POLE: variants seen among roughly 807,000 people sequenced by gnomAD.
POLE encodes DNA polymerase epsilon catalytic subunit A.
A neutral mutation model predicts 279.2 loss-of-function variants in POLE; 188 were observed. That is an observed-to-expected ratio of 0.67 (90% CI 0.60 to 0.76). POLE has a LOEUF of 0.76. Ranked by LOEUF, POLE falls within the 30% of genes least tolerant of loss-of-function variation. The pLI is 0.00. For synonymous variants in POLE, 1,214 were observed against 1,172.5 expected (o/e 1.04, Z -0.72); for missense variants, 2,703 against 3,016.7 (o/e 0.90, Z 2.44).
At chr12:132,652,265 C>T (rs1308820559) in intron 29 of POLE, among the ~76,000 whole-genome samples, 1 of 151,718 alleles carries the variant, frequency 6.6e-6, no homozygotes, top group African/African-American at 2.4e-5. Flanking sequence ...AAGCCCTTCC[C>T]ACCCCAGCAT....
rs781306395 is a variant in POLE, at chr12:132,657,973, G to C, written c.3276-3C>G. On this transcript the variant is annotated splice_region_variant and splice_polypyrimidine_tract_variant and intron_variant, in intron 26 of 48. Transcript: ENST00000320574. Reference sequence around the variant, plus strand: ...GGAAAATGGCAAGTGGGATGGCCCTGGGTAAGGAAGACAGGCACACAGCTC... The same window carrying C: ...GGAAAATGGCAAGTGGGATGGCCCTCGGTAAGGAAGACAGGCACACAGCTC... 4 of 1,598,840 alleles carry C rather than the reference G, an allele frequency of 2.5e-6. No individual in the cohort carries two copies. The East Asian group carries it at 8.9e-5, about 36-fold the overall frequency.
chr12:132,665,988 G>A (rs549839375), intron 20 of POLE, among the ~76,000 whole-genome samples: 1 of 152,272 alleles, frequency 6.6e-6, no homozygotes, highest in South Asian at 2.1e-4. Flanking sequence ...TTTAGCAGTT[G>A]CTTAATTAAA....
At chr12:132,632,823 C>G in intron 43 of POLE, 28 bp from the exon 44 acceptor site, 3 of 1,570,756 alleles carry the variant, frequency 1.9e-6, no homozygotes, top group Non-Finnish European at 2.6e-6. Context: ...CACCACAGGC[C>G]CTGAGTCGGG....
intron 29 of POLE, chr12:132,650,768 C>G (rs1240494089): frequency 6.6e-6 from 1 of 152,120 alleles, no homozygotes; most frequent in East Asian, 1.9e-4. Context: ...TGTCTGCCCC[C>G]ACACACCTTT....
rs2042099571 is a variant in POLE, at chr12:132,639,537, A to ACCCC, written c.5379-240_5379-239insGGGG. Among the ~76,000 whole-genome samples, 1 of 114,760 alleles carries ACCCC rather than the reference A, an allele frequency of 8.7e-6. No individual in the cohort carries two copies. The highest frequency in any genetic ancestry group is 9.9e-5 in the Admixed American group (1 of 10,084). 75.3% of individuals were successfully genotyped at this position (114,760 alleles called of 152,430 possible). ...CTTAAACTTGTTCAGGCTTCACCGC[A>ACCCC]TCCCAAACTCTGTGTGTTCTAAAGC... On this transcript the variant is annotated intron_variant, in intron 39 of 48. Coordinates refer to ENST00000320574, the MANE Select transcript of POLE (RefSeq NM_006231.4). The surrounding 1 kb of genome is among the most constrained non-coding windows in gnomAD (Gnocchi z 4.7).
intron 9 of POLE, 103 bp from the exon 10 acceptor site, chr12:132,676,307 A>AG: frequency 1.2e-6 from 1 of 811,194 alleles, no homozygotes; most frequent in Non-Finnish European, 2.1e-6. Flanking sequence ...CTCACTACAA[A>AG]GAAGTCCACA....
chr12:132,628,904 G>A (rs1439569098), intron 45 of POLE, among the ~76,000 whole-genome samples: 1 of 152,108 alleles, frequency 6.6e-6, no homozygotes, highest in African/African-American at 2.4e-5. Flanking sequence ...TCCTGTTAAT[G>A]TTGATATTTT....
intron 5 of POLE, 76 bp downstream of exon 5, chr12:132,679,878 C>A: frequency 8.6e-7 from 1 of 1,159,128 alleles, no homozygotes; most frequent in South Asian, 1.4e-5. Flanking sequence ...GAATTTCTAC[C>A]TCTTCCGATC....
rs2041806929 is a variant in POLE, at chr12:132,625,156, C to T, written c.6658-162G>A. The T allele has an allele frequency of 3.1e-5, 21 of 680,492 alleles. No individual in the cohort carries two copies. The South Asian group carries it at 3.2e-4, about 10-fold the overall frequency. 42.2% of individuals were successfully genotyped at this position (680,492 alleles called of 1,614,324 possible). On this transcript the variant is annotated intron_variant, in intron 47 of 48. Coordinates refer to ENST00000320574, the MANE Select transcript of POLE (RefSeq NM_006231.4). ...CGGTTATGAGTAAAATGCACGACCT[C>T]ATCCCACGGTGCCAGCGCCTTCCCT... is the stretch of plus-strand genomic sequence containing the variant.
rs769149466 is a variant in POLE, at chr12:132,643,498, C to T, written c.4353G>A (p.Leu1451=). 46 of 1,614,084 alleles carry T rather than the reference C, an allele frequency of 2.8e-5. No homozygotes were observed. Among genetic ancestry groups the T allele is most frequent in the Admixed American group, 8.3e-5 (5 of 60,010 alleles). Residue 1451 remains leucine, a synonymous_variant, in exon 34 of 49, where the codon CTG becomes CTA. Transcript: ENST00000320574. ...LGCVCVVNKQ[L]VRHLSGWEAE... ...CTTCCCAGCCTGAAAGGTGCCTCAC[C>T]AGCTGTTTATTGACCACACACACAC...
At chr12:132,681,070 T>C (rs2043154953) in intron 2 of POLE, 68 bp downstream of exon 2, 1 of 1,571,670 alleles carries the variant, frequency 6.4e-7, no homozygotes, top group East Asian at 2.2e-5. Context: ...ACTCTTTAGA[T>C]AAGGACCACG....
intron 25 of POLE, 78 bp from the exon 26 acceptor site, chr12:132,659,587 G>A: frequency 8.1e-7 from 1 of 1,230,220 alleles, no homozygotes; most frequent in Non-Finnish European, 1.2e-6. Context: ...TGCTCCTCTA[G>A]GCCATGCCCT....
chr12:132,630,101 C>T (rs1033326190), intron 45 of POLE, among the ~76,000 whole-genome samples: 1 of 152,118 alleles, frequency 6.6e-6, no homozygotes, highest in African/African-American at 2.4e-5. Context: ...CGGTTCATGG[C>T]GCCCCAAAAC....
chr12:132,640,812 CCTT>C, intron 39 of POLE, among the ~76,000 whole-genome samples: 1 of 152,310 alleles, frequency 6.6e-6, no homozygotes. Context: ...CTGTTGGACT[CCTT>C]CTACCTTTCA....
chr12:132,643,175 C>G, intron 35 of POLE, 49 bp downstream of exon 35: 3 of 1,586,798 alleles, frequency 1.9e-6, no homozygotes, highest in Non-Finnish European at 2.6e-6. Context: ...TCCTCCTTCC[C>G]CAAACCCTGC....
chr12:132,642,943 G>A lies in POLE; in HGVS notation c.4605C>T (p.Gly1535=), dbSNP rs75930376. ...CAGGGCCCACCTTCTCCAGGAGGAG[G>A]CCGTGCTCTGCTGAGTACAGGGCGC... The part of the protein sequence containing the change: ...SLGALYSAEH[G]LLLEKVGPEL... The change falls in exon 36 of 49, where the codon GGC becomes GGT. Residue 1535 remains glycine (G), a synonymous_variant. Transcript: ENST00000320574. The A allele has an allele frequency of 6.2e-7, 1 of 1,611,660 alleles. No homozygotes were observed.
At position 132,649,188 on chromosome 12, in the gene POLE, G is replaced by A. The variant is rs2042358030; in HGVS notation, c.4006-116C>T. The stretch of plus-strand genomic sequence containing the variant: ...CAGGGCCTTAGGCCTCCCTACGATG[G>A]GCAGGAAACTCCAGGCCCACTCTAA... On this transcript the variant is annotated intron_variant, in intron 31 of 48. Transcript: ENST00000320574. 3.3e-6 allele frequency: 5 copies of A among 1,498,318 alleles called. No homozygotes were observed. The South Asian group carries it at 6.2e-5, about 19-fold the overall frequency. The allele number at this position is 1,498,318 out of a possible 1,614,324, so 92.8% of individuals were successfully genotyped here.
intron 38 of POLE, 82 bp from the exon 39 acceptor site, chr12:132,641,933 C>T: frequency 1.5e-6 from 2 of 1,346,594 alleles, no homozygotes; most frequent in South Asian, 1.2e-5. Flanking sequence ...CCAGCCACCA[C>T]CACCTCCAGA....
At chr12:132,627,905 T>C (rs529433827) in intron 45 of POLE, among the ~76,000 whole-genome samples, 1 of 152,368 alleles carries the variant, frequency 6.6e-6, no homozygotes, top group South Asian at 2.1e-4. Context: ...TAGCATGTGA[T>C]GCTGTTTGAT....
Sources: gnomAD v4.1 joint callset for allele counts (sites outside exome capture counted in the v4.1 genomes callset) on GRCh38, gnomAD v4.1.1 for gene constraint, Gnocchi (gnomAD v3.1) non-coding constraint, MANE v1.5 for transcripts, NCBI Gene and HGNC (gene_info 2026-07-23, HGNC 2026-07-21) for gene names.